The following MGAT4C variants were observed in gnomAD, a reference collection of about 807,000 sequenced individuals.
MGAT4C encodes MGAT4 family member C.
In MGAT4C, 19 loss-of-function variants were observed where a neutral mutation model predicts 40.1. The observed-to-expected ratio is 0.47, with a 90% CI of 0.33 to 0.70. The LOEUF (loss-of-function observed/expected upper bound fraction) is 0.70, where lower values mean the gene tolerates loss of function less well. Among genes scored for constraint, MGAT4C ranks in the 30% least tolerant of loss-of-function variants. MGAT4C has a pLI of 0.02. For synonymous variants in MGAT4C, 181 were observed against 187.1 expected, an observed-to-expected ratio of 0.97 and a Z score of 0.27; for missense variants, 491 against 563.2, an observed-to-expected ratio of 0.87 and a Z score of 1.30.
chr12:86,774,299 C>CTTTTTCTT lies in MGAT4C; in HGVS notation c.-261-47059_-261-47058insAAGAAAAA, dbSNP rs142126894. On this transcript the variant is annotated intron_variant, in intron 1 of 7. Coordinates refer to the MGAT4C transcript ENST00000548651. ...AGGCTTGCTCTTTCTTTCTTTCTTT[C>CTTTTTCTT]TTTCTTTCTTTCTTTCTTTCTTTCT... Among the ~76,000 whole-genome samples, 45 of 78,314 alleles carry CTTTTTCTT rather than the reference C, an allele frequency of 5.7e-4. 2 individuals carry two copies. Among genetic ancestry groups the CTTTTTCTT allele is most frequent in the Admixed American group, 9.5e-4 (6 of 6,328 alleles). The allele number at this position is 78,314 out of a possible 152,430, so 51.4% of individuals were successfully genotyped here.
intron 2 of MGAT4C, among the ~76,000 whole-genome samples, chr12:86,694,471 G>C (rs897979507): frequency 6.6e-6 from 1 of 152,066 alleles, no homozygotes; most frequent in Non-Finnish European, 1.5e-5. Context: ...TTAGAGTACA[G>C]GAATTGAATT....
intron 2 of MGAT4C, among the ~76,000 whole-genome samples, chr12:86,676,075 T>C (rs1052585194): frequency 6.6e-6 from 1 of 151,988 alleles, no homozygotes; most frequent in Non-Finnish European, 1.5e-5. Context: ...ATATGTAAAT[T>C]CATTGTTATA....
rs530459265 is a variant in MGAT4C, at chr12:86,263,369, T to A, written c.-57+70696A>T. Among the ~76,000 whole-genome samples, 178 of 152,144 alleles carry A rather than the reference T, an allele frequency of 1.2e-3. 2 individuals are homozygous for A. Among genetic ancestry groups the A allele is most frequent in the Non-Finnish European group, 2.4e-3 (166 of 67,990 alleles). On this transcript the variant is annotated intron_variant, in intron 4 of 7. Coordinates refer to the MGAT4C transcript ENST00000548651. ...TCTGAGTCACTATTATCTATCATTA[T>A]ACTCTCTATGTCCATGTTTCTACAT...
At chr12:86,479,039 G>C (rs1435443800) in intron 2 of MGAT4C, among the ~76,000 whole-genome samples, 1 of 151,888 alleles carries the variant, frequency 6.6e-6, no homozygotes, top group Non-Finnish European at 1.5e-5. Flanking sequence ...AATTAGCAAA[G>C]GTATTGCAAG....
intron 2 of MGAT4C, among the ~76,000 whole-genome samples, chr12:86,704,263 GCTA>G (rs1375507798): frequency 3.9e-5 from 6 of 152,038 alleles, no homozygotes; most frequent in African/African-American, 1.4e-4. Flanking sequence ...CCTAATTTAA[GCTA>G]TGGGTCAGCC....
chr12:86,457,264 TA>T (rs1957525345), intron 2 of MGAT4C, among the ~76,000 whole-genome samples: 1 of 152,170 alleles, frequency 6.6e-6, no homozygotes, highest in African/African-American at 2.4e-5. Context: ...CATTCAGGCA[TA>T]TTATTTTTCA....
At chr12:86,461,101 G>A (rs1957591364) in intron 2 of MGAT4C, among the ~76,000 whole-genome samples, 1 of 151,972 alleles carries the variant, frequency 6.6e-6, no homozygotes, top group East Asian at 1.9e-4. Context: ...CCATTCAAGT[G>A]TTTATCATGG....
rs997837036 is a variant in MGAT4C, at chr12:85,966,135, C to A, written c.*13154G>T. On this transcript the variant is annotated 3_prime_UTR_variant, in exon 5 of 5. Transcript: ENST00000611864. ...CATTTATTTTTGTACTATTAAAAATCTAAACAATAATAACCAGATGGAGGA... is the reference window on the plus strand; with the variant it reads ...CATTTATTTTTGTACTATTAAAAATATAAACAATAATAACCAGATGGAGGA... 6.6e-6 allele frequency: 1 copy of A among 152,038 alleles called. No homozygotes were observed. Among genetic ancestry groups the A allele is most frequent in the African/African-American group, 2.4e-5 (1 of 41,396 alleles). 9.4% of individuals were successfully genotyped at this position (152,038 alleles called of 1,614,324 possible).
chr12:86,673,364 G>A (rs1001260894), intron 2 of MGAT4C, among the ~76,000 whole-genome samples: 1 of 151,914 alleles, frequency 6.6e-6, no homozygotes, highest in Admixed American at 6.6e-5. Context: ...GAGTTGTTTT[G>A]TTTATCATTG....
intron 2 of MGAT4C, among the ~76,000 whole-genome samples, chr12:86,603,787 T>TATATAATATAAA (rs1490905305): frequency 7.2e-4 from 17 of 23,610 alleles, no homozygotes; most frequent in Non-Finnish European, 2.5e-3. Flanking sequence ...TACTATATAA[T>TATATAATATAAA]ATATAGTATA....
At chr12:86,310,265 A>G (rs1954038669) in intron 4 of MGAT4C, among the ~76,000 whole-genome samples, 1 of 152,112 alleles carries the variant, frequency 6.6e-6, no homozygotes, top group Non-Finnish European at 1.5e-5. Context: ...TTTTTAAATC[A>G]GCTTTCTTTC....
chr12:86,116,040 C>T (rs1878356017), intron 1 of MGAT4C, among the ~76,000 whole-genome samples: 1 of 151,916 alleles, frequency 6.6e-6, no homozygotes, highest in African/African-American at 2.4e-5. Context: ...CAATAATATT[C>T]CAGAAAGTAA....
chr12:86,757,805 C>T (rs1951332175), intron 1 of MGAT4C, among the ~76,000 whole-genome samples: 2 of 152,138 alleles, frequency 1.3e-5, no homozygotes, highest in Non-Finnish European at 2.9e-5. Context: ...TGAAAGATAA[C>T]CATTTTGTCT....
intron 2 of MGAT4C, among the ~76,000 whole-genome samples, chr12:86,524,069 A>G (rs1958839483): frequency 6.6e-6 from 1 of 152,148 alleles, no homozygotes; most frequent in Non-Finnish European, 1.5e-5. Context: ...TAATTGGGTC[A>G]TATAGCTAGC....
intron 1 of MGAT4C, among the ~76,000 whole-genome samples, chr12:86,241,239 T>C (rs1040954861): frequency 1.3e-5 from 2 of 152,164 alleles, no homozygotes; most frequent in Non-Finnish European, 2.9e-5. Flanking sequence ...AGGAAGTCCT[T>C]GGAAAGTCAC....
chr12:86,630,479 T>A (rs183892750), intron 2 of MGAT4C, among the ~76,000 whole-genome samples: 209 of 152,294 alleles, frequency 1.4e-3, no homozygotes, highest in Non-Finnish European at 1.4e-3. Flanking sequence ...ATATTCCTGA[T>A]GAACATCGAT....
At chr12:86,717,606 A>G (rs1950665961) in intron 2 of MGAT4C, among the ~76,000 whole-genome samples, 1 of 152,164 alleles carries the variant, frequency 6.6e-6, no homozygotes, top group Admixed American at 6.6e-5. Flanking sequence ...GAGAGAAAAT[A>G]AAAACTCATC....
chr12:85,980,601 G>A (rs1007139183), intron 4 of MGAT4C, among the ~76,000 whole-genome samples, 171 bp from the exon 5 acceptor site: 2 of 151,900 alleles, frequency 1.3e-5, no homozygotes. Flanking sequence ...AATATATAAA[G>A]GCTGTAAGTG....
chr12:86,814,641 C>T (rs117247524), intron 1 of MGAT4C, among the ~76,000 whole-genome samples: 2,895 of 151,812 alleles, frequency 0.019, 34 homozygotes, highest in Non-Finnish European at 0.029. Context: ...TGTATTACCC[C>T]GAAATTCATG....
Sources: allele counts gnomAD v4.1 joint callset (sites outside exome capture counted in the v4.1 genomes callset), GRCh38; gene constraint gnomAD v4.1.1; transcripts MANE v1.5; gene names NCBI Gene and HGNC (gene_info 2026-07-23, HGNC 2026-07-21).